Variants in CDS1 observed in about 807,000 individuals in gnomAD.
The protein encoded by CDS1 is CDP-diacylglycerol synthase 1.
CDS1 carries 41 observed loss-of-function variants against 62.1 expected under a neutral mutation model. The observed-to-expected ratio is 0.66, with a 90% CI of 0.51 to 0.86. The LOEUF is 0.86. Among genes scored for constraint, CDS1 ranks in the 40% least tolerant of loss-of-function variants. The probability of loss-of-function intolerance (pLI) is 0.00; values close to 1 mark genes in which losing one functional copy is unlikely to be tolerated. For missense variants in CDS1, 470 were observed against 550.1 expected (o/e 0.85, Z 1.46); for synonymous variants, 185 against 192.6 (o/e 0.96, Z 0.32).
At chr4:84,592,721 T>C (rs1722630094) in intron 1 of CDS1, among the ~76,000 whole-genome samples, 1 of 152,168 alleles carries the variant, frequency 6.6e-6, no homozygotes, top group Admixed American at 6.5e-5. Context: ...TATAGCTGCT[T>C]TTTGCAAACA....
At chr4:84,616,352 G>T (rs1182524876) in intron 3 of CDS1, among the ~76,000 whole-genome samples, 2 of 152,074 alleles carry the variant, frequency 1.3e-5, no homozygotes, top group South Asian at 2.1e-4. Flanking sequence ...TAAAGTATGT[G>T]ATTGGACACG....
intron 1 of CDS1, among the ~76,000 whole-genome samples, chr4:84,589,019 G>A (rs1722500904): frequency 6.6e-6 from 1 of 152,200 alleles, no homozygotes; most frequent in Admixed American, 6.5e-5. Context: ...ACCATGGGCA[G>A]CTTGAAGGTT....
At chr4:84,604,745 GC>G (rs1337770498) in intron 2 of CDS1, among the ~76,000 whole-genome samples, 1 of 152,090 alleles carries the variant, frequency 6.6e-6, no homozygotes, top group Non-Finnish European at 1.5e-5. Context: ...TTTTTCAAAT[GC>G]CAGACAGAAA....
chr4:84,594,322 G>A (rs1722683404), intron 1 of CDS1, among the ~76,000 whole-genome samples: 1 of 152,154 alleles, frequency 6.6e-6, no homozygotes, highest in African/African-American at 2.4e-5. Context: ...GGGAGGGTAA[G>A]GGGAGGAAAT....
At position 84,650,698 on chromosome 4, in the gene CDS1, A is replaced by G. The variant is rs1304714002; in HGVS notation, c.*2012A>G. The G allele has an allele frequency of 2.6e-5, 4 of 152,214 alleles. No individual in the cohort carries two copies. The highest frequency in any genetic ancestry group is 5.9e-5 in the Non-Finnish European group (4 of 68,028). The allele number at this position is 152,214 out of a possible 1,614,324, so 9.4% of individuals were successfully genotyped here. A position where few individuals can be genotyped will look rare whatever the true frequency, so the allele number is the denominator to read the frequency against. ...TTATAAACAAAATAGGAAGCTAGAA[A>G]TATTTGGGATCACAGTAATAGCTTT... On this transcript the variant is annotated 3_prime_UTR_variant, in exon 13 of 13. Coordinates refer to ENST00000295887, the MANE Select transcript of CDS1 (RefSeq NM_001263.4).
At position 84,649,226 on chromosome 4, in the gene CDS1, AAC is replaced by A. The variant is rs1724642221; in HGVS notation, c.*541_*542del. Reference sequence around the variant, plus strand: ...AAGATTGTCTACTTTTCAAAGAAGTAACCATTTGCCAGGGGAAAACATTCTGC... The same window carrying A: ...AAGATTGTCTACTTTTCAAAGAAGTACATTTGCCAGGGGAAAACATTCTGC... On this transcript the variant is annotated 3_prime_UTR_variant, in exon 13 of 13. Coordinates refer to ENST00000295887, the MANE Select transcript of CDS1 (RefSeq NM_001263.4). 1 of 152,158 alleles carries A rather than the reference AAC, an allele frequency of 6.6e-6. No homozygotes were observed. The highest frequency in any genetic ancestry group is 2.4e-5 in the African/African-American group (1 of 41,424). 9.4% of individuals were successfully genotyped at this position (152,158 alleles called of 1,614,324 possible). A position where few individuals can be genotyped will look rare whatever the true frequency, so the allele number is the denominator to read the frequency against.
chr4:84,608,213 G>A lies in CDS1; in HGVS notation c.246-1216G>A, dbSNP rs369151872. ...TTTGGAGACGGAGTCTCGCTCAGTC[G>A]CCCAGGCTGGAGTGCAGTGGCGCGA... On this transcript the variant is annotated intron_variant, in intron 2 of 12. Transcript: ENST00000295887. Among the ~76,000 whole-genome samples, 15 of 152,286 alleles carry A rather than the reference G, an allele frequency of 9.8e-5. No homozygotes were observed. In the East Asian group the frequency reaches 1.4e-3, roughly 14 times the overall value.
At chr4:84,603,121 C>A (rs946805275) in intron 1 of CDS1, among the ~76,000 whole-genome samples, 2 of 152,088 alleles carry the variant, frequency 1.3e-5, no homozygotes, top group African/African-American at 2.4e-5. Flanking sequence ...CTAAATGCTT[C>A]ATTTTAGGGA....
At chr4:84,640,695 C>T (rs925064845) in intron 9 of CDS1, 143 bp from the exon 10 acceptor site, 2 of 657,542 alleles carry the variant, frequency 3.0e-6, no homozygotes, top group Non-Finnish European at 4.5e-6. Context: ...TTTGAAAATA[C>T]ATAGCAAAAT....
At chr4:84,615,270 C>T (rs1371133885) in intron 3 of CDS1, among the ~76,000 whole-genome samples, 1 of 152,094 alleles carries the variant, frequency 6.6e-6, no homozygotes, top group African/African-American at 2.4e-5. Context: ...CTTCTCTACT[C>T]CGCTACCACT....
chr4:84,615,096 T>G (rs1325351527), intron 3 of CDS1, among the ~76,000 whole-genome samples: 1 of 152,186 alleles, frequency 6.6e-6, no homozygotes, highest in Non-Finnish European at 1.5e-5. Flanking sequence ...ACTCTGATCT[T>G]AGTTGAATAT....
intron 11 of CDS1, among the ~76,000 whole-genome samples, chr4:84,643,582 C>A (rs141655671): frequency 2.2e-4 from 33 of 152,322 alleles, no homozygotes; most frequent in African/African-American, 7.7e-4. Context: ...GCAAACAATA[C>A]ATTTATTAGG....
intron 5 of CDS1, among the ~76,000 whole-genome samples, chr4:84,620,773 T>G (rs1320205413): frequency 1.3e-5 from 2 of 151,936 alleles, no homozygotes. Context: ...AACAGTGAGA[T>G]ATTTGGGCTG....
intron 7 of CDS1, among the ~76,000 whole-genome samples, chr4:84,634,371 T>A (rs1403909717): frequency 6.6e-6 from 1 of 152,230 alleles, no homozygotes; most frequent in Non-Finnish European, 1.5e-5. Context: ...TCTACTTTGC[T>A]CCTGTGTAGG....
intron 1 of CDS1, among the ~76,000 whole-genome samples, chr4:84,594,478 A>G (rs1396462620): frequency 2.0e-5 from 3 of 152,026 alleles, no homozygotes; most frequent in Non-Finnish European, 2.9e-5. Context: ...AAATAACTGC[A>G]TTTCAGAGCT....
At chr4:84,617,051 A>C (rs1377660463) in intron 3 of CDS1, among the ~76,000 whole-genome samples, 1 of 152,226 alleles carries the variant, frequency 6.6e-6, no homozygotes, top group Non-Finnish European at 1.5e-5. Flanking sequence ...AGGCCATTCC[A>C]GGGTGACTGG....
intron 1 of CDS1, among the ~76,000 whole-genome samples, chr4:84,584,355 G>C (rs562550281): frequency 6.6e-6 from 1 of 152,336 alleles, no homozygotes; most frequent in South Asian, 2.1e-4. Context: ...AATTGGACCA[G>C]AGAATAGATT....
chr4:84,635,257 A>G lies in CDS1; in HGVS notation c.723-7A>G. 1 of 1,460,678 alleles carries G rather than the reference A, an allele frequency of 6.8e-7. No homozygotes were observed. The highest frequency in any genetic ancestry group is 9.3e-7 in the Non-Finnish European group (1 of 1,074,680). 90.5% of individuals were successfully genotyped at this position (1,460,678 alleles called of 1,614,324 possible). On this transcript the variant is annotated splice_polypyrimidine_tract_variant and splice_region_variant and intron_variant, in intron 7 of 12. Coordinates refer to ENST00000295887, the MANE Select transcript of CDS1 (RefSeq NM_001263.4). ...CTGCTGACTTTTTTTTTTTTTTTTA[A>G]AAACAGGTTCCTTGTTCCAATATCA...
At chr4:84,599,785 G>T (rs1234505247) in intron 1 of CDS1, among the ~76,000 whole-genome samples, 2 of 152,066 alleles carry the variant, frequency 1.3e-5, no homozygotes, top group Non-Finnish European at 2.9e-5. Context: ...CCATTTCCCT[G>T]TTGGCTATTT....
Sources: gnomAD v4.1 joint callset for allele counts (sites outside exome capture counted in the v4.1 genomes callset) on GRCh38, gnomAD v4.1.1 for gene constraint, MANE v1.5 for transcripts, NCBI Gene and HGNC (gene_info 2026-07-23, HGNC 2026-07-21) for gene names.